Variants in DCDC2C observed in about 807,000 individuals in gnomAD.
The protein encoded by DCDC2C is doublecortin domain-containing protein 2C.
Under a neutral mutation model 45.0 loss-of-function variants are expected in DCDC2C, and 44 were observed. The observed-to-expected ratio is 0.98, with a 90% CI of 0.77 to 1.26. The LOEUF is 1.26. DCDC2C is among the 50% of genes most tolerant of loss of function. The pLI is 0.00. For missense variants in DCDC2C, 447 were observed against 468.9 expected (o/e 0.95, Z 0.43); for synonymous variants, 187 against 178.8 (o/e 1.05, Z -0.37).
At chr2:3,729,212 C>G (rs190958732) in intron 3 of DCDC2C, among the ~76,000 whole-genome samples, 1 of 152,174 alleles carries the variant, frequency 6.6e-6, no homozygotes, top group Non-Finnish European at 1.5e-5. Context: ...TGGGGACTCC[C>G]TGCCCTTTAC....
In DCDC2C at chr2:3,765,971, G is replaced by A. The variant is rs116797219; in HGVS notation, c.727-1783G>A. ...ATTTGCAAAAACTCACATTTCCTGC[G>A]TGTGCTTGGGTAAGGTATGAGATGA... On this transcript the variant is annotated intron_variant, in intron 6 of 10. Transcript: ENST00000399143. Among the ~76,000 whole-genome samples the A allele has an allele frequency of 8.4e-3, 1,276 of 152,246 alleles. 23 individuals are homozygous for A. The highest frequency in any genetic ancestry group is 0.029 in the African/African-American group (1,220 of 41,546).
intron 9 of DCDC2C, among the ~76,000 whole-genome samples, chr2:3,782,490 T>C (rs1480367452): frequency 6.6e-6 from 1 of 152,086 alleles, no homozygotes; most frequent in East Asian, 1.9e-4. Flanking sequence ...TCTTTTTTTT[T>C]TTTTTCGAGA....
At chr2:3,825,229 G>C (rs1671784319) in intron 10 of DCDC2C, among the ~76,000 whole-genome samples, 1 of 152,170 alleles carries the variant, frequency 6.6e-6, no homozygotes. Flanking sequence ...AAGCTCTCCT[G>C]TACCTGCAGC....
intron 10 of DCDC2C, among the ~76,000 whole-genome samples, chr2:3,806,934 C>T (rs1456581588): frequency 6.6e-6 from 1 of 151,990 alleles, no homozygotes; most frequent in African/African-American, 2.4e-5. Flanking sequence ...TGAGGTGTTG[C>T]GACGGAGTCC....
intron 10 of DCDC2C, among the ~76,000 whole-genome samples, chr2:3,807,290 G>A (rs962998605): frequency 2.6e-5 from 4 of 152,132 alleles, no homozygotes; most frequent in African/African-American, 9.7e-5. Context: ...GGCATCTGCT[G>A]CCTTGAGCAG....
chr2:3,758,349 G>A (rs984496200), intron 6 of DCDC2C, among the ~76,000 whole-genome samples: 8 of 152,184 alleles, frequency 5.3e-5, no homozygotes, highest in African/African-American at 1.4e-4. Flanking sequence ...ATTTGACTGT[G>A]TCTTCAATTG....
At chr2:3,837,863 A>G (rs1672119248) in intron 10 of DCDC2C, among the ~76,000 whole-genome samples, 2 of 152,146 alleles carry the variant, frequency 1.3e-5, no homozygotes, top group African/African-American at 4.8e-5. Context: ...CCAGAGTAGC[A>G]CAGGAGAGGG....
intron 3 of DCDC2C, among the ~76,000 whole-genome samples, chr2:3,733,892 AGGGCT>A (rs1381205227): frequency 6.6e-6 from 1 of 152,224 alleles, no homozygotes; most frequent in Non-Finnish European, 1.5e-5. Flanking sequence ...AGTGCGAGCC[AGGGCT>A]GTGGTCCCAA....
intron 3 of DCDC2C, among the ~76,000 whole-genome samples, chr2:3,741,593 T>A (rs1377080942): frequency 6.6e-6 from 1 of 152,100 alleles, no homozygotes; most frequent in African/African-American, 2.4e-5. Flanking sequence ...ACAAGAGAAC[T>A]TTTCCTGTTT....
intron 4 of DCDC2C, among the ~76,000 whole-genome samples, chr2:3,743,195 G>C (rs202221894): frequency 6.5e-5 from 5 of 76,988 alleles, no homozygotes; most frequent in Non-Finnish European, 1.4e-4. Context: ...AGCCCATCAA[G>C]AATATACAAC....
At position 3,846,052 on chromosome 2, in the gene DCDC2C, T is replaced by C. The variant is rs1672319365; in HGVS notation, c.1066-1102T>C. Among the ~76,000 whole-genome samples, 4 of 152,180 alleles carry C rather than the reference T, an allele frequency of 2.6e-5. No homozygotes were observed. The South Asian group carries it at 8.3e-4, about 32-fold the overall frequency. On this transcript the variant is annotated intron_variant, in intron 10 of 10. Coordinates refer to ENST00000399143, the MANE Select transcript of DCDC2C (RefSeq NM_001287444.2). ...CTGGCCTGAAGTCACATGAGACCTG[T>C]AGCTTGGAGGGAGCAGGGACGGGAC...
In DCDC2C at chr2:3,769,233, G is replaced by A. The variant is rs956056842; in HGVS notation, c.854-78G>A. On this transcript the variant is annotated intron_variant, in intron 7 of 10. Transcript: ENST00000399143. ...CCAGGATGCCCGGCTTCGTAACTTG[G>A]GTTTGGGTCAGGAAATATGCAGTGG... 2.8e-6 allele frequency: 4 copies of A among 1,411,208 alleles called. No individual in the cohort carries two copies. In the African/African-American group the frequency reaches 5.7e-5, roughly 20 times the overall value. The allele number at this position is 1,411,208 out of a possible 1,614,324, so 87.4% of individuals were successfully genotyped here.
At chr2:3,846,492 A>G (rs1672333013) in intron 10 of DCDC2C, among the ~76,000 whole-genome samples, 2 of 151,982 alleles carry the variant, frequency 1.3e-5, no homozygotes, top group Non-Finnish European at 2.9e-5. Flanking sequence ...ATTTGATTTC[A>G]GGTCTATTAT....
intron 10 of DCDC2C, among the ~76,000 whole-genome samples, chr2:3,813,219 G>A (rs1233934513): frequency 6.6e-6 from 1 of 151,498 alleles, no homozygotes; most frequent in African/African-American, 2.4e-5. Context: ...TTACAGGCAT[G>A]TGCCACCATG....
At chr2:3,778,695 G>A in intron 8 of DCDC2C, 121 bp from the exon 9 acceptor site, 1 of 850,760 alleles carries the variant, frequency 1.2e-6, no homozygotes, top group Non-Finnish European at 1.8e-6. Context: ...AAACTGCAGT[G>A]ACTTCCCCAG....
chr2:3,731,118 T>TG (rs1294195158), intron 3 of DCDC2C, among the ~76,000 whole-genome samples: 1 of 152,214 alleles, frequency 6.6e-6, no homozygotes, highest in Non-Finnish European at 1.5e-5. Context: ...TTCCAGTTCT[T>TG]GGGGGGCTAG....
At chr2:3,827,646 C>T (rs1275389025) in intron 10 of DCDC2C, among the ~76,000 whole-genome samples, 1 of 152,164 alleles carries the variant, frequency 6.6e-6, no homozygotes, top group Non-Finnish European at 1.5e-5. Flanking sequence ...TGTTTACCTT[C>T]TGATTTTCTC....
At chr2:3,722,660 C>G (rs1668532610) in intron 2 of DCDC2C, among the ~76,000 whole-genome samples, 1 of 152,156 alleles carries the variant, frequency 6.6e-6, no homozygotes. Context: ...CTGTCATCAC[C>G]ATCAGATACA....
intron 10 of DCDC2C, among the ~76,000 whole-genome samples, chr2:3,834,269 T>C (rs554522761): frequency 3.2e-4 from 49 of 152,124 alleles, no homozygotes; most frequent in Middle Eastern, 3.2e-3. Context: ...TTTGGACAAA[T>C]GTATAATGAC....
Sources: gnomAD v4.1 joint callset for allele counts (sites outside exome capture counted in the v4.1 genomes callset) on GRCh38, gnomAD v4.1.1 for gene constraint, MANE v1.5 for transcripts, NCBI Gene and HGNC (gene_info 2026-07-23, HGNC 2026-07-21) for gene names.